OSBPL1A: variants seen among roughly 807,000 people sequenced by gnomAD.
The protein encoded by OSBPL1A is oxysterol binding protein like 1A, also known as oxysterol-binding protein-related protein 1.
In OSBPL1A, 80 loss-of-function variants were observed where a neutral mutation model predicts 137.1. The observed-to-expected ratio is 0.58, with a 90% confidence interval of 0.49 to 0.70. OSBPL1A has a LOEUF of 0.70. OSBPL1A is among the 30% of genes least tolerant of loss of function. The pLI is 0.00. For synonymous variants in OSBPL1A, 365 were observed against 389.7 expected (o/e 0.94, Z 0.75); for missense variants, 970 against 1,129.4 (o/e 0.86, Z 2.02).
chr18:24,282,938 A>C (rs1236743294), intron 14 of OSBPL1A, among the ~76,000 whole-genome samples: 2 of 152,056 alleles, frequency 1.3e-5, no homozygotes, highest in African/African-American at 4.8e-5. Context: ...GCAAGACTTC[A>C]TCTCTACAAA....
intron 15 of OSBPL1A, 85 bp downstream of exon 15, chr18:24,280,757 A>G: frequency 1.1e-6 from 1 of 905,198 alleles, no homozygotes; most frequent in Non-Finnish European, 1.6e-6. Flanking sequence ...CTACCTTTGA[A>G]CAATTTGAAA....
At chr18:24,361,753 C>A (rs929567647) in intron 4 of OSBPL1A, among the ~76,000 whole-genome samples, 11 of 152,156 alleles carry the variant, frequency 7.2e-5, no homozygotes, top group African/African-American at 2.4e-4. Context: ...TGGCTCCCTC[C>A]TATAACCCCA....
chr18:24,336,940 T>C (rs914181709), intron 5 of OSBPL1A, among the ~76,000 whole-genome samples: 4 of 152,144 alleles, frequency 2.6e-5, no homozygotes, highest in Non-Finnish European at 4.4e-5. Context: ...TTTGTCTCAG[T>C]TTTTCTCCCT....
chr18:24,312,033 T>A lies in OSBPL1A; in HGVS notation c.1043A>T (p.Glu348Val). ...AGCAGAAACCGTATCTTCCTCCTCC[T>A]CATCAGTCAGCTGGTCCTGGGAACA... ...HYCSQDQLTD[E>V]EEEDTVSAAD... Residue 348 changes from glutamate to valine, a missense_variant, in exon 13 of 28, where the codon GAG (glutamate) becomes GTG (valine). Glu to Val is a moderately radical substitution (Grantham distance 121). Transcript: ENST00000319481. 6.2e-7 allele frequency: 1 copy of A among 1,614,104 alleles called. No homozygotes were observed.
At chr18:24,272,274 C>T (rs529826561) in intron 15 of OSBPL1A, 4 of 962,882 alleles carry the variant, frequency 4.2e-6, no homozygotes, top group Non-Finnish European at 4.9e-6. Flanking sequence ...TTTTTTTAAC[C>T]AACCCGCCCC....
chr18:24,232,718 A>T (rs1292894266), intron 16 of OSBPL1A, among the ~76,000 whole-genome samples: 1 of 152,252 alleles, frequency 6.6e-6, no homozygotes, highest in African/African-American at 2.4e-5. Flanking sequence ...CATAGTTAGA[A>T]AACAAAGTAT....
chr18:24,250,174 G>GTTTTTTTTTTTTTTTTTTTTT (rs1233264916), intron 15 of OSBPL1A, among the ~76,000 whole-genome samples: 1 of 75,352 alleles, frequency 1.3e-5, no homozygotes, highest in Non-Finnish European at 2.6e-5. Flanking sequence ...TTGTTTGTTT[G>GTTTTTTTTTTTTTTTTTTTTT]TTTGTTTGTT....
At chr18:24,256,005 G>A (rs999109698) in intron 15 of OSBPL1A, among the ~76,000 whole-genome samples, 1 of 152,092 alleles carries the variant, frequency 6.6e-6, no homozygotes, top group Non-Finnish European at 1.5e-5. Flanking sequence ...ATGTTGGCCA[G>A]GCTGGTCTCG....
At chr18:24,226,790 T>C (rs2088092081) in intron 16 of OSBPL1A, among the ~76,000 whole-genome samples, 1 of 152,176 alleles carries the variant, frequency 6.6e-6, no homozygotes, top group Admixed American at 6.5e-5. Context: ...GAAAGGCTTT[T>C]AATGTTGGGA....
chr18:24,339,487 C>T (rs574188856), intron 5 of OSBPL1A, among the ~76,000 whole-genome samples: 8 of 152,294 alleles, frequency 5.3e-5, no homozygotes, highest in African/African-American at 1.9e-4. Context: ...AATCATATTA[C>T]CTGTAAAGTC....
chr18:24,360,591 A>G (rs907331310), intron 4 of OSBPL1A, among the ~76,000 whole-genome samples: 3 of 152,240 alleles, frequency 2.0e-5, no homozygotes, highest in African/African-American at 7.2e-5. Flanking sequence ...AACAAAATAC[A>G]GCAGATCTTC....
At chr18:24,228,632 G>A (rs181378332) in intron 16 of OSBPL1A, among the ~76,000 whole-genome samples, 6 of 152,258 alleles carry the variant, frequency 3.9e-5, no homozygotes, top group Admixed American at 3.9e-4. Context: ...GTCTGAATGG[G>A]GGCAGCGGGC....
At chr18:24,237,524 C>T (rs1022708842) in intron 16 of OSBPL1A, among the ~76,000 whole-genome samples, 14 of 152,210 alleles carry the variant, frequency 9.2e-5, no homozygotes, top group Admixed American at 2.0e-4. Flanking sequence ...AGGCTGGTCT[C>T]GAACTTCTGG....
intron 21 of OSBPL1A, among the ~76,000 whole-genome samples, chr18:24,175,534 G>T (rs946139207): frequency 3.3e-5 from 5 of 151,986 alleles, no homozygotes; most frequent in Non-Finnish European, 5.9e-5. Context: ...ATATATTGTG[G>T]CTACAAGTCC....
intron 1 of OSBPL1A, among the ~76,000 whole-genome samples, chr18:24,395,507 G>A (rs1020528586): frequency 2.0e-5 from 3 of 152,076 alleles, no homozygotes; most frequent in Non-Finnish European, 4.4e-5. Flanking sequence ...ATATTTAACC[G>A]GCATTGTGCC....
chr18:24,281,512 C>T (rs544077188), intron 14 of OSBPL1A, among the ~76,000 whole-genome samples: 3 of 152,052 alleles, frequency 2.0e-5, no homozygotes, highest in East Asian at 1.9e-4. Context: ...CTCAGCCTCC[C>T]GAGTAGATGG....
At chr18:24,355,519 C>G (rs1247894039) in intron 4 of OSBPL1A, among the ~76,000 whole-genome samples, 2 of 151,652 alleles carry the variant, frequency 1.3e-5, no homozygotes, top group African/African-American at 4.9e-5. Flanking sequence ...AAACAAAAAA[C>G]AGCAACAACA....
chr18:24,293,125 A>AG (rs1555646138), intron 14 of OSBPL1A, among the ~76,000 whole-genome samples: 2 of 82,122 alleles, frequency 2.4e-5, no homozygotes, highest in Non-Finnish European at 5.7e-5. Flanking sequence ...AAAAAAAAAA[A>AG]AAAGAAAAGA....
intron 1 of OSBPL1A, among the ~76,000 whole-genome samples, chr18:24,386,507 C>T (rs1441671302): frequency 3.9e-5 from 6 of 152,234 alleles, no homozygotes; most frequent in Admixed American, 3.9e-4. Context: ...AAACTTTAGA[C>T]TTAACCAAAC....
Sources: gnomAD v4.1 joint callset for allele counts (sites outside exome capture counted in the v4.1 genomes callset) on GRCh38, gnomAD v4.1.1 for gene constraint, MANE v1.5 for transcripts, NCBI Gene and HGNC (gene_info 2026-07-23, HGNC 2026-07-21) for gene names.